Variants in NIPAL1 observed in about 807,000 individuals in gnomAD.
NIPAL1 encodes the protein NIPA like domain containing 1.
Under a neutral mutation model 37.7 loss-of-function variants are expected in NIPAL1, and 35 were observed. The ratio of observed to expected loss-of-function variants is 0.93; its 90% CI spans 0.71 to 1.23. The LOEUF (loss-of-function observed/expected upper bound fraction) is 1.23. Among genes scored for constraint, NIPAL1 ranks in the 50% most tolerant of loss-of-function variants. The pLI is 0.00. For synonymous variants in NIPAL1, 162 were observed against 183.0 expected (o/e 0.89, Z 0.93); for missense variants, 412 against 473.9 (o/e 0.87, Z 1.21).
Position 48,027,586 on chromosome 4 carries a change from A to G in NIPAL1, c.313+2252A>G, listed in dbSNP as rs978353130. ...AAATAAGCACAGTTAACTACTTTGC[A>G]AAATAGTCTTCATAGCTTATATATC... On this transcript the variant is annotated intron_variant, in intron 2 of 5. Coordinates refer to ENST00000295461, the MANE Select transcript of NIPAL1 (RefSeq NM_207330.3). This position sits in a 1 kb window ranked among gnomAD's most constrained non-coding sequence, Gnocchi z 4.1. Among the ~76,000 whole-genome samples, 1 of 152,258 alleles carries G rather than the reference A, an allele frequency of 6.6e-6. No homozygotes were observed. Among genetic ancestry groups the G allele is most frequent in the Admixed American group, 6.5e-5 (1 of 15,284 alleles).
chr4:48,035,834 G>T lies in NIPAL1; in HGVS notation c.895G>T (p.Asp299Tyr), dbSNP rs868272626. The T allele has an allele frequency of 6.2e-6, 10 of 1,614,086 alleles. 1 individual carries two copies. In the Middle Eastern group the frequency reaches 9.9e-4, roughly 160 times the overall value. ...TQINYLNKAL[D>Y]TFNTSLVTPI... ...GATTAACTATCTCAACAAGGCACTG[G>T]ACACCTTTAATACCTCTCTTGTGAC... The change falls in exon 6 of 6, where the codon GAC becomes TAC. Residue 299 changes from aspartate (D) to tyrosine (Y), a missense_variant. Coordinates refer to ENST00000295461, the MANE Select transcript of NIPAL1 (RefSeq NM_207330.3).
Position 48,038,146 on chromosome 4 carries a change from G to A in NIPAL1, c.*1974G>A, listed in dbSNP as rs1577629731. On this transcript the variant is annotated 3_prime_UTR_variant, in exon 6 of 6. Transcript: ENST00000295461. Reference sequence around the variant, plus strand: ...GACAACCTACCTGAGATGGCTGCAAGGCCCTAATGTTCCATTATACATTAT... The same window carrying A: ...GACAACCTACCTGAGATGGCTGCAAAGCCCTAATGTTCCATTATACATTAT... The A allele has an allele frequency of 6.6e-6, 1 of 152,178 alleles. No individual in the cohort carries two copies. The highest frequency in any genetic ancestry group is 2.4e-5 in the African/African-American group (1 of 41,432). 9.4% of individuals were successfully genotyped at this position (152,178 alleles called of 1,614,324 possible). A position where few individuals can be genotyped will look rare whatever the true frequency, so the allele number is the denominator to read the frequency against.
intron 1 of NIPAL1, among the ~76,000 whole-genome samples, chr4:48,021,990 A>G (rs914407317): frequency 5.3e-5 from 8 of 152,104 alleles, no homozygotes; most frequent in African/African-American, 1.9e-4. Context: ...GGCTAGCAAG[A>G]GTGTACTTTG....
At position 48,025,844 on chromosome 4, in the gene NIPAL1, C is replaced by T. The variant is rs538409097; in HGVS notation, c.313+510C>T. On this transcript the variant is annotated intron_variant, in intron 2 of 5. Coordinates refer to ENST00000295461, the MANE Select transcript of NIPAL1 (RefSeq NM_207330.3). Reference sequence around the variant, plus strand: ...ACCTCTCCAACTTCCTCTTGCTTTTCTCCCCATCACCTACTTTTCTCTTGT... The same window carrying T: ...ACCTCTCCAACTTCCTCTTGCTTTTTTCCCCATCACCTACTTTTCTCTTGT... 2.6e-5 allele frequency among the ~76,000 whole-genome samples: 4 copies of T among 152,284 alleles called. No individual in the cohort carries two copies. In the East Asian group the frequency reaches 7.7e-4, roughly 29 times the overall value.
intron 5 of NIPAL1, 80 bp downstream of exon 5, chr4:48,035,121 T>C: frequency 8.5e-7 from 1 of 1,171,288 alleles, no homozygotes. Flanking sequence ...AATAATATTG[T>C]AATAAGCTTT....
chr4:48,031,230 A>G (rs1409845680), intron 3 of NIPAL1, among the ~76,000 whole-genome samples: 4 of 151,780 alleles, frequency 2.6e-5, no homozygotes, highest in Non-Finnish European at 4.4e-5. Context: ...ACACCCAGCT[A>G]ATTTTTGTAT....
intron 1 of NIPAL1, among the ~76,000 whole-genome samples, chr4:48,019,943 G>A (rs1412920340): frequency 6.6e-6 from 1 of 152,186 alleles, no homozygotes; most frequent in African/African-American, 2.4e-5. Context: ...TAGCAGAGAG[G>A]CTCTTTTGTT....
At chr4:48,033,529 C>T (rs1396051) in intron 4 of NIPAL1, among the ~76,000 whole-genome samples, 124,607 of 152,150 alleles carry the variant, frequency 0.82, 51,691 homozygotes, top group Non-Finnish European at 0.89. Flanking sequence ...CAATTATTTT[C>T]CTCATCATAG....
Position 48,035,729 on chromosome 4 carries a change from C to T in NIPAL1, c.790C>T (p.Leu264=), listed in dbSNP as rs768655695. ...AGGCCTGGGAATTGCCATTAAGGAG[C>T]TGATAGAATGGAAGCCAGTTTACAA... ...VKGLGIAIKE[L]IEWKPVYKHP... The change falls in exon 6 of 6, where the codon CTG becomes TTG. Residue 264 remains leucine, a synonymous_variant. Transcript: ENST00000295461. 218 of 1,613,912 alleles carry T rather than the reference C, an allele frequency of 1.4e-4. No homozygotes were observed. The highest frequency in any genetic ancestry group is 1.6e-4 in the Non-Finnish European group (192 of 1,179,958).
At chr4:48,020,429 A>G (rs777354843) in intron 1 of NIPAL1, among the ~76,000 whole-genome samples, 1 of 152,232 alleles carries the variant, frequency 6.6e-6, no homozygotes, top group Non-Finnish European at 1.5e-5. Context: ...CCATGCTAAT[A>G]TGAATAGGCA....
intron 2 of NIPAL1, 62 bp from the exon 3 acceptor site, chr4:48,030,058 T>C: frequency 1.0e-6 from 1 of 962,054 alleles, no homozygotes. Flanking sequence ...AGAAGTTAAT[T>C]CTTCAAACCT....
At position 48,037,120 on chromosome 4, in the gene NIPAL1, C is replaced by A. The variant is rs953824086; in HGVS notation, c.*948C>A. ...TGTTAGTGGGCTAGAATACACAAGA[C>A]ATACCCACCCATGAAGAGTTTATGA... On this transcript the variant is annotated 3_prime_UTR_variant, in exon 6 of 6. Transcript: ENST00000295461. 4.4e-6 allele frequency: 1 copy of A among 228,050 alleles called. No individual in the cohort carries two copies. Among genetic ancestry groups the A allele is most frequent in the African/African-American group, 2.3e-5 (1 of 43,104 alleles). 14.1% of individuals were successfully genotyped at this position (228,050 alleles called of 1,614,324 possible). A position where few individuals can be genotyped will look rare whatever the true frequency, so the allele number is the denominator to read the frequency against.
chr4:48,032,846 C>T, intron 3 of NIPAL1, 147 bp from the exon 4 acceptor site: 1 of 548,414 alleles, frequency 1.8e-6, no homozygotes. Flanking sequence ...TATCTCCTAC[C>T]TGCTATAAAA....
rs1716044975 is a variant in NIPAL1 at position 48,040,064 on chromosome 4, G to C, written c.*3892G>C. The C allele has an allele frequency of 6.6e-6, 1 of 152,042 alleles. No individual in the cohort carries two copies. Among genetic ancestry groups the C allele is most frequent in the Non-Finnish European group, 1.5e-5 (1 of 68,018 alleles). The allele number at this position is 152,042 out of a possible 1,614,324, so 9.4% of individuals were successfully genotyped here. A position where few individuals can be genotyped will look rare whatever the true frequency, so the allele number is the denominator to read the frequency against. On this transcript the variant is annotated 3_prime_UTR_variant, in exon 6 of 6. Transcript: ENST00000295461. ...TGTTCTCAAATATTTTGAATAAACT[G>C]TTCATGAAGCCTTATATTTTGCAAG...
intron 1 of NIPAL1, 30 bp downstream of exon 1, chr4:48,016,915 G>C (rs1243027387): frequency 6.3e-7 from 1 of 1,582,086 alleles, no homozygotes; most frequent in African/African-American, 1.3e-5. Flanking sequence ...CGAGGGACCT[G>C]GCAGCTGGGT....
At chr4:48,018,336 G>T (rs1314197476) in intron 1 of NIPAL1, among the ~76,000 whole-genome samples, 2 of 152,184 alleles carry the variant, frequency 1.3e-5, no homozygotes, top group Non-Finnish European at 2.9e-5. Context: ...GCTTCTGGAT[G>T]TTTTTCCTGC....
chr4:48,037,506 A>G lies in NIPAL1; in HGVS notation c.*1334A>G, dbSNP rs1560326832. On this transcript the variant is annotated 3_prime_UTR_variant, in exon 6 of 6. Coordinates refer to ENST00000295461, the MANE Select transcript of NIPAL1 (RefSeq NM_207330.3). Reference sequence around the variant, plus strand: ...ATTGCTCTCAAATGTTTTATCCCTAAAGAGTGAGTTTTCCACAGACTGTTT... The same window carrying G: ...ATTGCTCTCAAATGTTTTATCCCTAGAGAGTGAGTTTTCCACAGACTGTTT... 1 of 170,382 alleles carries G rather than the reference A, an allele frequency of 5.9e-6. No individual in the cohort carries two copies. The highest frequency in any genetic ancestry group is 1.3e-5 in the Non-Finnish European group (1 of 78,784). The allele number at this position is 170,382 out of a possible 1,614,324, so 10.6% of individuals were successfully genotyped here.
chr4:48,031,215 C>A (rs1715812142), intron 3 of NIPAL1, among the ~76,000 whole-genome samples: 1 of 152,064 alleles, frequency 6.6e-6, no homozygotes, highest in Non-Finnish European at 1.5e-5. Context: ...CAGGCACACA[C>A]CACCACACCC....
intron 4 of NIPAL1, among the ~76,000 whole-genome samples, chr4:48,034,405 G>A (rs1715881232): frequency 6.6e-6 from 1 of 152,098 alleles, no homozygotes; most frequent in Non-Finnish European, 1.5e-5. Context: ...GTGGCCTAGG[G>A]AAGCCAAAAG....
Sources: allele counts gnomAD v4.1 joint callset (sites outside exome capture counted in the v4.1 genomes callset), GRCh38; gene constraint gnomAD v4.1.1; non-coding constraint Gnocchi (gnomAD v3.1); transcripts MANE v1.5; gene names NCBI Gene and HGNC (gene_info 2026-07-23, HGNC 2026-07-21).